Variants in CMTM8 observed in about 807,000 individuals in gnomAD.
CMTM8 encodes CKLF-like MARVEL transmembrane domain-containing protein 8.
Under a neutral mutation model 18.6 loss-of-function variants are expected in CMTM8, and 12 were observed. The ratio of observed to expected loss-of-function variants is 0.65; its 90% CI spans 0.41 to 1.05. The LOEUF (loss-of-function observed/expected upper bound fraction) is 1.05. Among genes scored for constraint, CMTM8 ranks in the 50% least tolerant of loss-of-function variants. CMTM8 has a pLI of 0.00. For missense variants in CMTM8, 217 were observed against 227.2 expected, an observed-to-expected ratio of 0.95 and a Z score of 0.29; for synonymous variants, 87 against 90.6, an observed-to-expected ratio of 0.96 and a Z score of 0.23.
chr3:32,323,328 A>T (rs780875608), intron 1 of CMTM8, among the ~76,000 whole-genome samples: 2 of 152,236 alleles, frequency 1.3e-5, no homozygotes, highest in African/African-American at 2.4e-5. Context: ...AGCAAGCAGC[A>T]GCAGTGAAAC....
chr3:32,333,984 T>C (rs181957981), intron 1 of CMTM8, among the ~76,000 whole-genome samples: 1 of 152,064 alleles, frequency 6.6e-6, no homozygotes, highest in Non-Finnish European at 1.5e-5. Context: ...TCTTTTCTTT[T>C]TTTTTTTCTT....
chr3:32,290,973 C>G (rs1326065500), intron 1 of CMTM8, among the ~76,000 whole-genome samples: 2 of 152,168 alleles, frequency 1.3e-5, no homozygotes, highest in African/African-American at 4.8e-5. Flanking sequence ...GTCTTGAACT[C>G]TGAATCCCAA....
chr3:32,361,286 G>GTTTTTTTTTTGTTTTTTTTTGTT (rs58364646), intron 2 of CMTM8, among the ~76,000 whole-genome samples: 2 of 87,270 alleles, frequency 2.3e-5, no homozygotes, highest in African/African-American at 8.0e-5. Flanking sequence ...CAGCCTAAGA[G>GTTTTTTTTTTGTTTTTTTTTGTT]TTTTTTTTTC....
chr3:32,294,273 A>C (rs1270981258), intron 1 of CMTM8, among the ~76,000 whole-genome samples: 2 of 152,222 alleles, frequency 1.3e-5, no homozygotes, highest in Non-Finnish European at 2.9e-5. Flanking sequence ...ATCTGTGTCC[A>C]GGTCTTTGTG....
chr3:32,285,165 G>A (rs1702659694), intron 1 of CMTM8, among the ~76,000 whole-genome samples: 1 of 152,146 alleles, frequency 6.6e-6, no homozygotes, highest in Non-Finnish European at 1.5e-5. Context: ...TAATATAGTA[G>A]TAAAAAGCAG....
In CMTM8 at chr3:32,239,034, A is replaced by G; in HGVS notation, c.62A>G (p.Glu21Gly). Residue 21 changes from glutamate (E) to glycine (G), a missense_variant, in exon 1 of 4, where the codon GAG becomes GGG. Physicochemically the swap from Glu to Gly is moderately conservative, Grantham distance 98. Coordinates refer to ENST00000307526, the MANE Select transcript of CMTM8 (RefSeq NM_178868.5). ...TVTTTASSFA[E>G]NFSTSSSSFA... Reference sequence around the variant, plus strand: ...ACCACCACCGCCAGCTCCTTCGCAGAGAACTTCTCCACCAGCAGCAGCAGC... The same window carrying G: ...ACCACCACCGCCAGCTCCTTCGCAGGGAACTTCTCCACCAGCAGCAGCAGC... 6.3e-7 allele frequency: 1 copy of G among 1,582,556 alleles called. No homozygotes were observed. The highest frequency in any genetic ancestry group is 8.6e-7 in the Non-Finnish European group (1 of 1,164,872).
intron 1 of CMTM8, among the ~76,000 whole-genome samples, chr3:32,311,646 A>T (rs1045549168): frequency 6.6e-6 from 1 of 152,156 alleles, no homozygotes; most frequent in Admixed American, 6.5e-5. Context: ...CCTCTCTAGT[A>T]TTCATAGTCA....
At chr3:32,330,255 C>T (rs1337533984) in intron 1 of CMTM8, among the ~76,000 whole-genome samples, 2 of 136,926 alleles carry the variant, frequency 1.5e-5, no homozygotes, top group Non-Finnish European at 3.1e-5. Flanking sequence ...TCCTATGGAA[C>T]CACAAAGGAC....
At chr3:32,304,036 G>C (rs549397107) in intron 1 of CMTM8, among the ~76,000 whole-genome samples, 1 of 152,106 alleles carries the variant, frequency 6.6e-6, no homozygotes. Flanking sequence ...GTCAAGGATC[G>C]ACAGATTTCT....
intron 1 of CMTM8, 57 bp from the exon 2 acceptor site, chr3:32,357,301 TGTCCCTCCTTCCTTC>T: frequency 1.8e-6 from 2 of 1,104,186 alleles, no homozygotes; most frequent in Non-Finnish European, 2.7e-6. Flanking sequence ...TTTTTTTCTT[TGTCCCTCCTTCCTTC>T]TTTTTCTTTA....
At chr3:32,278,816 A>G (rs1017525830) in intron 1 of CMTM8, among the ~76,000 whole-genome samples, 3 of 152,200 alleles carry the variant, frequency 2.0e-5, no homozygotes, top group African/African-American at 7.2e-5. Flanking sequence ...CTGAGTGTTC[A>G]TTCAGTGAAA....
rs942791419 is a variant in CMTM8, at chr3:32,256,051, C to A, written c.147+16932C>A. 3.9e-5 allele frequency among the ~76,000 whole-genome samples: 6 copies of A among 152,040 alleles called. No individual in the cohort carries two copies. In the South Asian group the frequency reaches 6.2e-4, roughly 16 times the overall value. On this transcript the variant is annotated intron_variant, in intron 1 of 3. Transcript: ENST00000307526. ...CCAAGAAAATTTTTTAAAATTAATT[C>A]TTTGAGGATATTGTTCCATTGTCTT... is the stretch of plus-strand genomic sequence containing the variant.
chr3:32,295,866 C>T (rs759656739), intron 1 of CMTM8, among the ~76,000 whole-genome samples: 9 of 152,170 alleles, frequency 5.9e-5, no homozygotes, highest in Admixed American at 2.6e-4. Flanking sequence ...ATCCACCCTA[C>T]GTTCCAGCTC....
intron 1 of CMTM8, among the ~76,000 whole-genome samples, chr3:32,328,687 G>A (rs1696214661): frequency 6.6e-6 from 1 of 151,794 alleles, no homozygotes; most frequent in South Asian, 2.1e-4. Context: ...AAAAGTCAAA[G>A]TATCATAAAA....
chr3:32,282,926 A>G (rs1336895958), intron 1 of CMTM8, among the ~76,000 whole-genome samples: 1 of 152,114 alleles, frequency 6.6e-6, no homozygotes, highest in East Asian at 1.9e-4. Flanking sequence ...CTTTCCCTGA[A>G]CATTCTGTGT....
chr3:32,260,599 A>G (rs1415417305), intron 1 of CMTM8, among the ~76,000 whole-genome samples: 1 of 151,198 alleles, frequency 6.6e-6, no homozygotes, highest in African/African-American at 2.4e-5. Flanking sequence ...CAATGTTTTA[A>G]TACCTGTAGT....
At chr3:32,279,202 A>T in intron 1 of CMTM8, among the ~76,000 whole-genome samples, 1 of 143,348 alleles carries the variant, frequency 7.0e-6, no homozygotes, top group African/African-American at 2.7e-5. Context: ...TTATACTTTA[A>T]GTTTTAGGGT....
intron 1 of CMTM8, among the ~76,000 whole-genome samples, chr3:32,340,941 A>G (rs1320393487): frequency 1.3e-5 from 2 of 152,226 alleles, no homozygotes; most frequent in Non-Finnish European, 2.9e-5. Context: ...TACTGACTCA[A>G]TATGGCTCCT....
chr3:32,289,447 G>A (rs1575161603), intron 1 of CMTM8, among the ~76,000 whole-genome samples: 2 of 152,294 alleles, frequency 1.3e-5, no homozygotes, highest in East Asian at 3.9e-4. Context: ...TGGTGTCAAA[G>A]AAGGCTTCCT....
Sources: gnomAD v4.1 joint callset for allele counts (sites outside exome capture counted in the v4.1 genomes callset) on GRCh38, gnomAD v4.1.1 for gene constraint, MANE v1.5 for transcripts, NCBI Gene and HGNC (gene_info 2026-07-23, HGNC 2026-07-21) for gene names.